NAV1: variants seen among roughly 807,000 people sequenced by gnomAD.
NAV1 encodes the protein pore membrane and/or filament interacting like protein 3.
In NAV1, 18 loss-of-function variants were observed where a neutral mutation model predicts 175.2. That is an observed-to-expected ratio of 0.10 (90% confidence interval 0.07 to 0.15). The LOEUF is 0.15. Among genes scored for constraint, NAV1 ranks in the 10% least tolerant of loss-of-function variants. The pLI is 1.00. For missense variants in NAV1, 1,731 were observed against 2,436.6 expected, an observed-to-expected ratio of 0.71 and a Z score of 6.10; for synonymous variants, 897 against 978.7, an observed-to-expected ratio of 0.92 and a Z score of 1.56.
At chr1:201,803,708 G>T (rs1395870911) in exon 16 of NAV1, 1 of 1,565,988 alleles carries the variant, frequency 6.4e-7, no homozygotes, top group South Asian at 1.1e-5. Context: ...AGAAAAAAAA[G>T]AGTTGGGTAG....
intron 2 of NAV1, among the ~76,000 whole-genome samples, chr1:201,597,536 C>T (rs1057036106): frequency 1.3e-5 from 2 of 152,226 alleles, no homozygotes; most frequent in Non-Finnish European, 2.9e-5. Flanking sequence ...AGAGGATCTG[C>T]AAAGATCCCT....
chr1:201,783,352 G>T, intron 6 of NAV1, 54 bp from the exon 11 acceptor site: 1 of 1,539,810 alleles, frequency 6.5e-7, no homozygotes. Flanking sequence ...GGTCCTATCT[G>T]CCTCTCACTC....
intron 2 of NAV1, among the ~76,000 whole-genome samples, chr1:201,600,029 T>C (rs1301391998): frequency 6.6e-6 from 1 of 152,222 alleles, no homozygotes; most frequent in African/African-American, 2.4e-5. Context: ...CCCGGTTATC[T>C]GCCCTAGAGA....
At chr1:201,607,278 G>A (rs1024146522) in intron 2 of NAV1, among the ~76,000 whole-genome samples, 5 of 151,744 alleles carry the variant, frequency 3.3e-5, no homozygotes, top group African/African-American at 1.2e-4. Context: ...ACCACACCCA[G>A]CTAATTTTTG....
chr1:201,823,051 A>T (rs1439556349), exon 30 of NAV1: 1 of 152,658 alleles, frequency 6.6e-6, no homozygotes, highest in Non-Finnish European at 1.5e-5. Context: ...TGGGTCCCAT[A>T]GCTAAATTCT....
chr1:201,794,420 T>C (rs1472019661), intron 14 of NAV1, 46 bp from the exon 19 acceptor site: 4 of 1,558,546 alleles, frequency 2.6e-6, no homozygotes, highest in Non-Finnish European at 3.5e-6. Context: ...GGATTATAGG[T>C]GTGAGCCACC....
chr1:201,677,013 C>T lies in NAV1; in HGVS notation c.757+27588C>T, dbSNP rs141948070. Among the ~76,000 whole-genome samples the T allele has an allele frequency of 6.4e-3, 973 of 152,118 alleles. 12 individuals are homozygous for T. Among genetic ancestry groups the T allele is most frequent in the African/African-American group, 0.022 (918 of 41,498 alleles). ...ATGCCTGTAATCCCAGCACTTTAGG[C>T]GGCTGAGATGGGTGGATCACTTGAG... On this transcript the variant is annotated intron_variant, in intron 1 of 29. Transcript: ENST00000367296.
chr1:201,655,467 G>T (rs918979194), intron 1 of NAV1, among the ~76,000 whole-genome samples: 27 of 152,350 alleles, frequency 1.8e-4, no homozygotes, highest in African/African-American at 3.8e-4. Context: ...AGGTAGGGGG[G>T]GCCAGGCCCA....
intron 1 of NAV1, among the ~76,000 whole-genome samples, chr1:201,579,539 A>T (rs962143797): frequency 2.0e-5 from 3 of 152,100 alleles, no homozygotes; most frequent in African/African-American, 7.2e-5. Flanking sequence ...TATTTTTAGT[A>T]GAGATGGAGT....
intron 29 of NAV1, 91 bp from the exon 34 acceptor site, chr1:201,819,746 A>G (rs1679279728): frequency 8.4e-7 from 1 of 1,184,970 alleles, no homozygotes; most frequent in Non-Finnish European, 1.2e-6. Context: ...TGGCCTCCCA[A>G]AGTGTTGGGA....
chr1:201,660,856 A>G (rs563192095), intron 1 of NAV1, among the ~76,000 whole-genome samples: 2 of 152,240 alleles, frequency 1.3e-5, no homozygotes, highest in South Asian at 4.2e-4. Flanking sequence ...TGGATTGTGG[A>G]GGTCCCAGAG....
chr1:201,808,588 G>A lies in NAV1; in HGVS notation c.4016G>A (p.Arg1339Gln). 11 of 1,614,196 alleles carry A rather than the reference G, an allele frequency of 6.8e-6. No homozygotes were observed. The highest frequency in any genetic ancestry group is 4.5e-5 in the East Asian group (2 of 44,870). The change falls in exon 19 of 30, where the codon CGG becomes CAG. Residue 1339 changes from arginine to glutamine, a missense_variant. By Grantham distance (43) the Arg-to-Gln change is conservative. Transcript: ENST00000367296. This position sits in a 1 kb window ranked among gnomAD's most constrained non-coding sequence, Gnocchi z 5.5. ...TCTGCCCACCAACTGGATCAGCTTC[G>A]GGAGACCATGCACAACATGCAGGTC...
At chr1:201,657,689 T>G (rs140321422) in intron 1 of NAV1, among the ~76,000 whole-genome samples, 252 of 152,222 alleles carry the variant, frequency 1.7e-3, no homozygotes, top group African/African-American at 5.8e-3. Context: ...ATACTCACAA[T>G]AATTCTATGA....
At chr1:201,771,047 C>G in intron 3 of NAV1, among the ~76,000 whole-genome samples, 1 of 152,014 alleles carries the variant, frequency 6.6e-6, no homozygotes, top group African/African-American at 2.4e-5. Flanking sequence ...CACAGCAGCC[C>G]AAAGCTGGCA....
chr1:201,756,207 C>CAAGTAACAG (rs1379700831), intron 3 of NAV1, among the ~76,000 whole-genome samples: 1 of 151,550 alleles, frequency 6.6e-6, no homozygotes, highest in Non-Finnish European at 1.5e-5. Flanking sequence ...AGCAGTGTTC[C>CAAGTAACAG]AAGTAACAGA....
At chr1:201,794,690 TGA>T in intron 15 of NAV1, 113 bp downstream of exon 19, 1 of 955,208 alleles carries the variant, frequency 1.0e-6, no homozygotes. Flanking sequence ...CTCTAGAAGG[TGA>T]GGGCCTTTAG....
Position 201,782,763 on chromosome 1 carries a change from G to GACA in NAV1, c.2255_2257dup (p.Asn752dup), listed in dbSNP as rs1448705116. 1 of 1,614,016 alleles carries GACA rather than the reference G, an allele frequency of 6.2e-7. No individual in the cohort carries two copies. Among genetic ancestry groups the GACA allele is most frequent in the Admixed American group, 1.7e-5 (1 of 60,002 alleles). On this transcript the variant is annotated inframe_insertion, in exon 6 of 30. Coordinates refer to ENST00000367296, the Ensembl canonical transcript of NAV1. The surrounding 1 kb of genome is among the most constrained non-coding windows in gnomAD (Gnocchi z 5.4). ...AGCCAAGGCAGTGGCCTTGGACTCA[G>GACA]ACAACATCTCCTTGAAGAGTATTGG...
intron 2 of NAV1, among the ~76,000 whole-genome samples, chr1:201,597,485 C>T (rs912977305): frequency 1.3e-5 from 2 of 152,260 alleles, no homozygotes; most frequent in Non-Finnish European, 2.9e-5. Context: ...ATCACATAAT[C>T]TCCTAACATG....
At chr1:201,550,433 A>G (rs1301176431) in intron 1 of NAV1, among the ~76,000 whole-genome samples, 1 of 152,174 alleles carries the variant, frequency 6.6e-6, no homozygotes, top group Non-Finnish European at 1.5e-5. Context: ...TGGCCTCCCA[A>G]AGCATTCAGA....
Sources: gnomAD v4.1 joint callset for allele counts (sites outside exome capture counted in the v4.1 genomes callset) on GRCh38, gnomAD v4.1.1 for gene constraint, Gnocchi (gnomAD v3.1) non-coding constraint, MANE v1.5 for transcripts, NCBI Gene and HGNC (gene_info 2026-07-23, HGNC 2026-07-21) for gene names.